TRRAP: variants seen among roughly 807,000 people sequenced by gnomAD.
The protein encoded by TRRAP is transformation/transcription domain-associated protein.
A neutral mutation model predicts 438.8 loss-of-function variants in TRRAP; 41 were observed. That is an observed-to-expected ratio of 0.09 (90% CI 0.07 to 0.12). The LOEUF (loss-of-function observed/expected upper bound fraction) is 0.12. Among genes scored for constraint, TRRAP ranks in the 10% least tolerant of loss-of-function variants. The pLI is 1.00. For synonymous variants in TRRAP, 1,994 were observed against 1,962.9 expected (o/e 1.02, Z -0.42); for missense variants, 3,122 against 5,055.1 (o/e 0.62, Z 11.60).
intron 67 of TRRAP, among the ~76,000 whole-genome samples, chr7:98,998,170 G>T (rs765791129): frequency 1.5e-4 from 23 of 152,106 alleles, no homozygotes; most frequent in Admixed American, 7.2e-4. Flanking sequence ...TGTCTTACAG[G>T]GGTGCTTCCC....
chr7:98,977,978 C>T (rs1281386747), intron 56 of TRRAP, among the ~76,000 whole-genome samples: 1 of 152,166 alleles, frequency 6.6e-6, no homozygotes, highest in Non-Finnish European at 1.5e-5. Context: ...TGGGCCATGG[C>T]AGTGAAAAGG....
At chr7:98,893,971 A>G (rs1796085967) in intron 6 of TRRAP, 90 bp downstream of exon 6, 3 of 1,189,620 alleles carry the variant, frequency 2.5e-6, no homozygotes, top group South Asian at 2.7e-5. Flanking sequence ...TTGGCTGAAC[A>G]CATACTGTTT....
At position 98,977,769 on chromosome 7, in the gene TRRAP, G is replaced by C. The variant is rs73155662; in HGVS notation, c.8386-442G>C. Among the ~76,000 whole-genome samples the C allele has an allele frequency of 5.0e-3, 760 of 152,370 alleles. 6 individuals carry two copies. The highest frequency in any genetic ancestry group is 0.01 in the Middle Eastern group (3 of 294). ...CTGTGCCGCGGAAGCTCCAGAAGCA[G>C]ATGTGGCCTTGCGGCTCCTGCTCCG... On this transcript the variant is annotated intron_variant, in intron 56 of 72. Transcript: ENST00000456197.
chr7:99,010,912 T>A, intron 70 of TRRAP, 140 bp from the exon 71 acceptor site: 1 of 866,114 alleles, frequency 1.2e-6, no homozygotes, highest in Non-Finnish European at 1.8e-6. Flanking sequence ...CTCCTAACAA[T>A]GCGTGCGTTA....
chr7:98,881,349 G>A, intron 2 of TRRAP, 99 bp downstream of exon 2: 1 of 1,069,344 alleles, frequency 9.4e-7, no homozygotes, highest in Non-Finnish European at 1.3e-6. Flanking sequence ...GAGGCGGGTG[G>A]ATCACCTGAT....
At position 98,978,900 on chromosome 7, in the gene TRRAP, T is replaced by G. The variant is rs1584386471; in HGVS notation, c.8630T>G (p.Val2877Gly). The change falls in exon 58 of 73, where the codon GTG becomes GGG. Residue 2877 changes from valine to glycine, a missense_variant. This residue lies in a region of TRRAP where 992 missense variants were observed against 1,281.2 expected (regional missense o/e 0.77). Coordinates refer to ENST00000456197, the MANE Select transcript of TRRAP (RefSeq NM_001375524.1). ...TGGACTGCCATGAAGGAGGCGCTGG[T>G]GCAGGTGAGACGCCCCGGGGGCATC... Reference protein sequence around the residue: ...SNWTAMKEALVQVEVSCPKEM... With the variant: ...SNWTAMKEALGQVEVSCPKEM... 6.2e-7 allele frequency: 1 copy of G among 1,613,964 alleles called. No individual in the cohort carries two copies. Among genetic ancestry groups the G allele is most frequent in the Non-Finnish European group, 8.5e-7 (1 of 1,180,024 alleles).
At chr7:98,889,745 G>T (rs117281428) in intron 3 of TRRAP, among the ~76,000 whole-genome samples, 4,179 of 151,846 alleles carry the variant, frequency 0.028, 83 homozygotes, top group South Asian at 0.054. Flanking sequence ...TGTAGAGATG[G>T]AGTCTTGCTC....
At position 98,918,375 on chromosome 7, in the gene TRRAP, C is replaced by T. The variant is rs143816063; in HGVS notation, c.2622+696C>T. ...CCTCCTGAGTAGCTGGGACTACAGA[C>T]GCGTACCACCATGCCTGGCTAATTT... On this transcript the variant is annotated intron_variant, in intron 20 of 72. Transcript: ENST00000456197. Among the ~76,000 whole-genome samples the T allele has an allele frequency of 7.4e-3, 1,121 of 151,712 alleles. 17 individuals are homozygous for T. Among genetic ancestry groups the T allele is most frequent in the African/African-American group, 0.026 (1,079 of 41,334 alleles).
intron 53 of TRRAP, among the ~76,000 whole-genome samples, chr7:98,975,719 A>C (rs564213663): frequency 1.3e-5 from 2 of 152,320 alleles, no homozygotes; most frequent in South Asian, 4.1e-4. Flanking sequence ...TGTTCTTCAG[A>C]ATAATACCTG....
Position 98,994,447 on chromosome 7 carries a change from A to G in TRRAP, c.10048-140A>G. On this transcript the variant is annotated intron_variant, in intron 66 of 72. Transcript: ENST00000456197. The surrounding 1 kb of genome is among the most constrained non-coding windows in gnomAD (Gnocchi z 4.8). ...CCCGTTTCTTGCACACGCCGATTTC[A>G]TGCCTGCTGTGTGTGGGTCCTGCCG... is the stretch of plus-strand genomic sequence containing the variant. 1.6e-6 allele frequency: 2 copies of G among 1,260,570 alleles called. No individual in the cohort carries two copies. The highest frequency in any genetic ancestry group is 2.2e-6 in the Non-Finnish European group (2 of 903,792). 78.1% of individuals were successfully genotyped at this position (1,260,570 alleles called of 1,614,324 possible). A position where few individuals can be genotyped will look rare whatever the true frequency, so the allele number is the denominator to read the frequency against.
intron 7 of TRRAP, among the ~76,000 whole-genome samples, chr7:98,896,918 G>A (rs1304350057): frequency 1.3e-5 from 2 of 149,364 alleles, no homozygotes; most frequent in Admixed American, 6.6e-5. Context: ...AAGGTTGGCA[G>A]TGAGGTCCTG....
rs138716048 is a variant in TRRAP, at chr7:98,993,683, C to T, written c.9993C>T (p.Ser3331=). Residue 3331 remains serine, a synonymous_variant, in exon 66 of 73, where the codon TCC becomes TCT. Transcript: ENST00000456197. ...QRELHPTLLS[S]LEGIVDQMVW... is the part of the protein sequence containing the mutation. ...AGCTCCACCCCACCCTTCTGTCTTCCCTGGAAGGCATCGTCGATCAGATGG... is the reference window on the plus strand; with the variant it reads ...AGCTCCACCCCACCCTTCTGTCTTCTCTGGAAGGCATCGTCGATCAGATGG... 96 of 1,614,084 alleles carry T rather than the reference C, an allele frequency of 5.9e-5. No individual in the cohort carries two copies. Among genetic ancestry groups the T allele is most frequent in the Non-Finnish European group, 7.4e-5 (87 of 1,180,040 alleles).
intron 30 of TRRAP, among the ~76,000 whole-genome samples, chr7:98,941,033 A>G (rs782644743): frequency 2.4e-4 from 36 of 152,160 alleles, no homozygotes; most frequent in Admixed American, 1.3e-3. Context: ...TAGCTCTTAC[A>G]TTTAGGTCTT....
chr7:98,976,417 C>T lies in TRRAP; in HGVS notation c.7960-66C>T, dbSNP rs1458069010. 8 of 1,576,354 alleles carry T rather than the reference C, an allele frequency of 5.1e-6. No homozygotes were observed. Among genetic ancestry groups the T allele is most frequent in the South Asian group, 1.2e-5 (1 of 86,914 alleles). On this transcript the variant is annotated intron_variant, in intron 54 of 72. Transcript: ENST00000456197. The surrounding 1 kb of genome is among the most constrained non-coding windows in gnomAD (Gnocchi z 4.6). Reference sequence around the variant, plus strand: ...CGAATTAGGAAAGGTATTCTTGCATCGAGAGAGACAGCAAGACTTGCCGAT... The same window carrying T: ...CGAATTAGGAAAGGTATTCTTGCATTGAGAGAGACAGCAAGACTTGCCGAT...
chr7:98,910,647 A>C, intron 16 of TRRAP, 40 bp downstream of exon 16: 2 of 1,529,822 alleles, frequency 1.3e-6, no homozygotes, highest in Non-Finnish European at 1.8e-6. Context: ...GCATATGGAA[A>C]GTACCTCTTA....
At chr7:98,901,867 T>C (rs1294642800) in intron 11 of TRRAP, among the ~76,000 whole-genome samples, 1 of 152,208 alleles carries the variant, frequency 6.6e-6, no homozygotes, top group Non-Finnish European at 1.5e-5. Flanking sequence ...GAGATATAGT[T>C]TATGTATCAT....
At position 98,961,327 on chromosome 7, in the gene TRRAP, A is replaced by G. The variant is rs201703853; in HGVS notation, c.6556A>G (p.Thr2186Ala). 9.3e-6 allele frequency: 15 copies of G among 1,614,242 alleles called. No individual in the cohort carries two copies. In the Admixed American group the frequency reaches 2.3e-4, roughly 25 times the overall value. ...CCTAGAAGTGCTGAGCTTCCTGCTAACTGTCCTCCAGTCCCCAGCCATCCT... is the reference window on the plus strand; with the variant it reads ...CCTAGAAGTGCTGAGCTTCCTGCTAGCTGTCCTCCAGTCCCCAGCCATCCT... ...TGLEVLSFLL[T>A]VLQSPAILSS... Residue 2186 changes from threonine to alanine, a missense_variant, in exon 46 of 73, where the codon ACT (threonine) becomes GCT (alanine). Physicochemically the swap from Thr to Ala is moderately conservative, Grantham distance 58. Around this residue, in one of 24 missense-constraint regions of TRRAP, gnomAD observed 992 missense variants for 1,281.2 expected, o/e 0.77. Coordinates refer to ENST00000456197, the MANE Select transcript of TRRAP (RefSeq NM_001375524.1).
In TRRAP at chr7:98,994,960, A is replaced by G. The variant is rs1310260952; in HGVS notation, c.10309+112A>G. 1 of 1,408,016 alleles carries G rather than the reference A, an allele frequency of 7.1e-7. No homozygotes were observed. Among genetic ancestry groups the G allele is most frequent in the Non-Finnish European group, 9.6e-7 (1 of 1,037,008 alleles). The allele number at this position is 1,408,016 out of a possible 1,614,324, so 87.2% of individuals were successfully genotyped here. ...TGGTTTTCTGATCACTGCACGGGGC[A>G]CACTGGTTACACTCTGTTTACAGTG... On this transcript the variant is annotated intron_variant, in intron 67 of 72. Coordinates refer to ENST00000456197, the MANE Select transcript of TRRAP (RefSeq NM_001375524.1). This position sits in a 1 kb window ranked among gnomAD's most constrained non-coding sequence, Gnocchi z 4.8.
chr7:98,976,908 A>G lies in TRRAP; in HGVS notation c.8248-31A>G, dbSNP rs753530023. 6.2e-7 allele frequency: 1 copy of G among 1,612,804 alleles called. No individual in the cohort carries two copies. The highest frequency in any genetic ancestry group is 8.5e-7 in the Non-Finnish European group (1 of 1,179,276). ...GGGGGGAAAAAAAGTCTCTGTCTCA[A>G]GCACTCAGGAACCTTACTTTGTGTT... On this transcript the variant is annotated intron_variant, in intron 55 of 72. Transcript: ENST00000456197. This position sits in a 1 kb window ranked among gnomAD's most constrained non-coding sequence, Gnocchi z 4.6.
Sources: gnomAD v4.1 joint callset for allele counts (sites outside exome capture counted in the v4.1 genomes callset) on GRCh38, gnomAD v4.1.1 for gene constraint, gnomAD v4.1.1 regional missense constraint, Gnocchi (gnomAD v3.1) non-coding constraint, MANE v1.5 for transcripts, NCBI Gene and HGNC (gene_info 2026-07-23, HGNC 2026-07-21) for gene names.